The following AKR1B1 variants were observed in gnomAD, a reference collection of about 807,000 sequenced individuals.
AKR1B1 encodes aldo-keto reductase family 1 member B1.
In AKR1B1, 22 loss-of-function variants were observed where a neutral mutation model predicts 40.4. That is an observed-to-expected ratio of 0.54 (90% CI 0.39 to 0.78). The LOEUF (loss-of-function observed/expected upper bound fraction) is 0.78. Ranked by LOEUF, AKR1B1 falls within the 30% of genes least tolerant of loss-of-function variation. The pLI is 0.00. For missense variants in AKR1B1, 357 were observed against 396.7 expected, an observed-to-expected ratio of 0.90 and a Z score of 0.85; for synonymous variants, 157 against 149.9, an observed-to-expected ratio of 1.05 and a Z score of -0.35.
chr7:134,448,338 T>C, intron 6 of AKR1B1, 49 bp downstream of exon 6: 3 of 1,496,676 alleles, frequency 2.0e-6, no homozygotes, highest in Non-Finnish European at 2.8e-6. Context: ...TTTAGTCTTT[T>C]CTAATCTTCA....
Position 134,449,047 on chromosome 7 carries a change from C to T in AKR1B1, c.502G>A (p.Glu168Lys). 2 of 1,614,120 alleles carry T rather than the reference C, an allele frequency of 1.2e-6. No individual in the cohort carries two copies. Residue 168 changes from glutamate to lysine, a missense_variant, in exon 5 of 10, where the codon GAG becomes AAG. Transcript: ENST00000285930. ...GISNFNHLQV[E>K]MILNKPGLKY... ...AAGCCAGGTTTGTTTAAGATCATCT[C>T]CACCTGGAGATGGTTGAAGTTGGAG...
chr7:134,442,862 G>T, intron 9 of AKR1B1, 92 bp from the exon 10 acceptor site: 1 of 1,250,186 alleles, frequency 8.0e-7, no homozygotes, highest in Non-Finnish European at 1.2e-6. Flanking sequence ...TCTCACTGAA[G>T]AAATAAAATA....
rs1368891233 is a variant in AKR1B1, at chr7:134,442,644, C to A, written c.*84G>T. The A allele has an allele frequency of 2.8e-6, 4 of 1,413,362 alleles. No homozygotes were observed. The highest frequency in any genetic ancestry group is 4.6e-5 in the East Asian group (2 of 43,336). 87.6% of individuals were successfully genotyped at this position (1,413,362 alleles called of 1,614,324 possible). On this transcript the variant is annotated 3_prime_UTR_variant, in exon 10 of 10. Coordinates refer to ENST00000285930, the MANE Select transcript of AKR1B1 (RefSeq NM_001628.4). ...GTTGCTGTCCCACTGCTGAGTGACA[C>A]AGGCCATACTACATTTGCAAGGAAA...
chr7:134,459,162 GT>G, upstream of AKR1B1: 1 of 1,424,300 alleles, frequency 7.0e-7, no homozygotes, highest in Non-Finnish European at 9.6e-7. Context: ...GGCGCCTGCG[GT>G]TGGCGCGCCG....
At chr7:134,446,894 ATAT>A (rs950915567) in intron 8 of AKR1B1, among the ~76,000 whole-genome samples, 1 of 152,212 alleles carries the variant, frequency 6.6e-6, no homozygotes, top group East Asian at 1.9e-4. Context: ...CTCAAAATGG[ATAT>A]TATTTTATAG....
intron 1 of AKR1B1, among the ~76,000 whole-genome samples, chr7:134,453,783 G>A (rs1047302041): frequency 1.3e-5 from 2 of 152,114 alleles, no homozygotes; most frequent in Non-Finnish European, 2.9e-5. Context: ...GAGGGAAAAA[G>A]TCACCTCTGC....
At chr7:134,452,161 A>T (rs1435597645) in intron 1 of AKR1B1, among the ~76,000 whole-genome samples, 1 of 151,848 alleles carries the variant, frequency 6.6e-6, no homozygotes, top group African/African-American at 2.4e-5. Flanking sequence ...TGTCCTATGG[A>T]CCCCAATTCC....
Position 134,447,972 on chromosome 7 carries a change from G to A in AKR1B1, c.741+8C>T. 1 of 1,610,070 alleles carries A rather than the reference G, an allele frequency of 6.2e-7. No individual in the cohort carries two copies. The highest frequency in any genetic ancestry group is 1.1e-5 in the South Asian group (1 of 89,810). On this transcript the variant is annotated splice_region_variant and intron_variant, in intron 7 of 9. Coordinates refer to ENST00000285930, the MANE Select transcript of AKR1B1 (RefSeq NM_001628.4). ...GTGGACGGTCAGCAACACCTGAAGTGGCTGTACCTGGGCTGTAGTTTTATT... is the reference window on the plus strand; with the variant it reads ...GTGGACGGTCAGCAACACCTGAAGTAGCTGTACCTGGGCTGTAGTTTTATT...
chr7:134,446,607 C>T (rs1806104582), intron 8 of AKR1B1, among the ~76,000 whole-genome samples: 1 of 152,132 alleles, frequency 6.6e-6, no homozygotes, highest in African/African-American at 2.4e-5. Context: ...ACACCCCCGC[C>T]ACCAATGCTG....
chr7:134,459,137 G>T, upstream of AKR1B1: 1 of 1,525,850 alleles, frequency 6.6e-7, no homozygotes. Flanking sequence ...AATAGCCCGT[G>T]AGGTCGGCAG....
At chr7:134,450,756 G>C (rs546024547) in intron 3 of AKR1B1, 30 bp downstream of exon 3, 2 of 1,582,844 alleles carry the variant, frequency 1.3e-6, no homozygotes, top group South Asian at 2.2e-5. Flanking sequence ...TGAGCCCCAA[G>C]GGACCTGGTC....
chr7:134,457,035 G>A (rs1214664701), intron 1 of AKR1B1, among the ~76,000 whole-genome samples: 13 of 152,102 alleles, frequency 8.5e-5, no homozygotes, highest in Non-Finnish European at 1.5e-5. Flanking sequence ...CTACTTGGGA[G>A]GCTGAGGTAT....
At chr7:134,453,882 G>A (rs1265607136) in intron 1 of AKR1B1, among the ~76,000 whole-genome samples, 1 of 152,110 alleles carries the variant, frequency 6.6e-6, no homozygotes, top group Non-Finnish European at 1.5e-5. Flanking sequence ...TTTGCCTTAT[G>A]AAAAATGAAG....
At chr7:134,446,702 C>A (rs929484549) in intron 8 of AKR1B1, among the ~76,000 whole-genome samples, 2 of 152,126 alleles carry the variant, frequency 1.3e-5, no homozygotes, top group Admixed American at 1.3e-4. Context: ...AGTCCTGACA[C>A]AGGTCTAGGC....
At chr7:134,447,490 G>T in intron 7 of AKR1B1, 109 bp from the exon 8 acceptor site, 1 of 967,514 alleles carries the variant, frequency 1.0e-6, no homozygotes, top group Non-Finnish European at 1.6e-6. Flanking sequence ...AACTCCACAG[G>T]TGATCAGAGA....
rs1256251911 is a variant in AKR1B1 at position 134,449,732 on chromosome 7, C to G, written c.417G>C (p.Leu139=). 3.7e-6 allele frequency: 6 copies of G among 1,614,054 alleles called. No individual in the cohort carries two copies. Among genetic ancestry groups the G allele is most frequent in the Non-Finnish European group, 5.1e-6 (6 of 1,179,918 alleles). The change falls in exon 4 of 10, where the codon CTG becomes CTC. Residue 139 remains leucine, a synonymous_variant. Transcript: ENST00000285930. ...GGGGCTGTCTTACCGCCCACGTGTCCAGAATGTTGGTGTCACTGGGAACCA... is the reference window on the plus strand; with the variant it reads ...GGGGCTGTCTTACCGCCCACGTGTCGAGAATGTTGGTGTCACTGGGAACCA... ...GNVVPSDTNI[L]DTWAAMEELV... is the part of the protein sequence containing the mutation.
intron 4 of AKR1B1, chr7:134,449,481 G>C: frequency 3.4e-6 from 2 of 583,022 alleles, no homozygotes; most frequent in Non-Finnish European, 6.1e-6. Flanking sequence ...CAGCTACTCA[G>C]GAGGCTGAGG....
At position 134,459,082 on chromosome 7, in the gene AKR1B1, C is replaced by T. The variant is rs774343330; in HGVS notation, c.-20G>A. ...TGCCATGGCTGCTGCGCTCCCCAGA[C>T]CCCCGCCCAGTACGGTGCGGCCTTG... On this transcript the variant is annotated 5_prime_UTR_variant, in exon 1 of 10. Coordinates refer to ENST00000285930, the MANE Select transcript of AKR1B1 (RefSeq NM_001628.4). 2.5e-4 allele frequency: 399 copies of T among 1,595,958 alleles called. 1 individual carries two copies. The highest frequency in any genetic ancestry group is 3.3e-4 in the Non-Finnish European group (388 of 1,172,218).
intron 1 of AKR1B1, among the ~76,000 whole-genome samples, chr7:134,451,999 T>C (rs1479808443): frequency 6.6e-6 from 1 of 152,242 alleles, no homozygotes; most frequent in Non-Finnish European, 1.5e-5. Context: ...AGATCACTTT[T>C]AAAAGATATG....
Sources: gnomAD v4.1 joint callset for allele counts (sites outside exome capture counted in the v4.1 genomes callset) on GRCh38, gnomAD v4.1.1 for gene constraint, MANE v1.5 for transcripts, NCBI Gene and HGNC (gene_info 2026-07-23, HGNC 2026-07-21) for gene names.